Variants in DMD observed in about 807,000 individuals in gnomAD.
The protein encoded by DMD is dystrophin.
A neutral mutation model predicts 330.1 loss-of-function variants in DMD; 63 were observed. That is an observed-to-expected ratio of 0.19 (90% confidence interval 0.16 to 0.24). DMD has a LOEUF of 0.24. DMD is among the 10% of genes least tolerant of loss of function. DMD has a pLI of 1.00. For synonymous variants in DMD, 1,223 were observed against 959.8 expected (o/e 1.27, Z -5.07); for missense variants, 3,344 against 2,684.1 (o/e 1.25, Z -5.43).
intron 1 of DMD, among the ~76,000 whole-genome samples, chrX:33,176,059 T>C (rs1216289641): frequency 9.0e-6 from 1 of 111,338 alleles, no homozygotes; most frequent in African/African-American, 3.3e-5. Flanking sequence ...AGCTATATCG[T>C]GCTCTCATCT....
chrX:32,308,552 T>G (rs1416538356), intron 42 of DMD, among the ~76,000 whole-genome samples: 1 of 111,330 alleles, frequency 9.0e-6, no homozygotes, highest in Admixed American at 9.6e-5. Flanking sequence ...GAAGGAATCA[T>G]GCCCACAACT....
chrX:31,487,249 C>A (rs2068875702), intron 57 of DMD, among the ~76,000 whole-genome samples: 1 of 110,427 alleles, frequency 9.1e-6, no homozygotes, highest in African/African-American at 3.3e-5. Flanking sequence ...ATGAACTTTA[C>A]CCTGTTAACA....
intron 50 of DMD, among the ~76,000 whole-genome samples, chrX:31,816,794 T>TCACACACACACACACACACACACACA (rs759346277): frequency 1.5e-4 from 13 of 85,363 alleles, no homozygotes; most frequent in South Asian, 6.4e-4. Context: ...CAAGATTCTG[T>TCACACACACACACACACACACACACA]CACACACACA....
At chrX:31,480,958 T>C (rs1258345007) in intron 57 of DMD, among the ~76,000 whole-genome samples, 1 of 111,754 alleles carries the variant, frequency 8.9e-6, no homozygotes, top group East Asian at 2.8e-4. Flanking sequence ...TCACATAGAA[T>C]TCAAAAGCAT....
intron 47 of DMD, among the ~76,000 whole-genome samples, chrX:31,878,802 A>G (rs1336661230): frequency 8.9e-6 from 1 of 112,458 alleles, no homozygotes; most frequent in East Asian, 2.8e-4. Context: ...AATGAAAATT[A>G]GAGCTTCATC....
At chrX:32,212,196 T>C (rs749039298) in intron 44 of DMD, among the ~76,000 whole-genome samples, 1 of 112,368 alleles carries the variant, frequency 8.9e-6, no homozygotes, top group East Asian at 2.8e-4. Context: ...TGCGTTTGGC[T>C]GAATTGGAAT....
At chrX:32,260,435 G>T (rs1455380709) in intron 43 of DMD, among the ~76,000 whole-genome samples, 2 of 111,481 alleles carry the variant, frequency 1.8e-5, no homozygotes, top group Non-Finnish European at 3.8e-5. Flanking sequence ...TTTGGTGAAT[G>T]GTACCCTGCT....
chrX:33,103,781 A>T (rs1273883671), intron 1 of DMD, among the ~76,000 whole-genome samples: 1 of 111,933 alleles, frequency 8.9e-6, no homozygotes, highest in Non-Finnish European at 1.9e-5. Flanking sequence ...TATAATTTTT[A>T]AAAAATGTAA....
chrX:32,862,660 T>G (rs1407356038), intron 2 of DMD, among the ~76,000 whole-genome samples: 4 of 111,989 alleles, frequency 3.6e-5, no homozygotes, highest in Admixed American at 9.5e-5. Context: ...TATTTTAAAA[T>G]TTGTGGAATG....
At chrX:31,394,487 T>C (rs1274307077) in intron 60 of DMD, among the ~76,000 whole-genome samples, 1 of 112,595 alleles carries the variant, frequency 8.9e-6, no homozygotes, top group Non-Finnish European at 1.9e-5. Context: ...AGTGCATTTT[T>C]CTCTTACAAT....
chrX:31,939,851 T>C (rs183963107), intron 45 of DMD, among the ~76,000 whole-genome samples: 235 of 111,992 alleles, frequency 2.1e-3, no homozygotes, highest in African/African-American at 7.1e-3. Flanking sequence ...CTGACAACTT[T>C]ATTTCTCCCT....
intron 1 of DMD, among the ~76,000 whole-genome samples, chrX:33,113,016 A>ACCGT (rs1458621510): frequency 9.2e-6 from 1 of 109,161 alleles, no homozygotes; most frequent in African/African-American, 3.3e-5. Flanking sequence ...TATGCTGGAT[A>ACCGT]CCGTCCATTG....
chrX:32,571,178 C>T (rs999438349), intron 15 of DMD, among the ~76,000 whole-genome samples: 9 of 111,857 alleles, frequency 8.0e-5, no homozygotes, highest in East Asian at 2.8e-4. Context: ...AATATATCTT[C>T]GCTCCTAATC....
At chrX:32,395,917 A>G (rs2098040647) in intron 30 of DMD, among the ~76,000 whole-genome samples, 1 of 111,529 alleles carries the variant, frequency 9.0e-6, no homozygotes, top group Admixed American at 9.6e-5. Flanking sequence ...AGACCCTTCT[A>G]TAAACCAGCA....
In DMD at chrX:31,678,455, A is replaced by G. The variant is rs192460794; in HGVS notation, c.7872+920T>C. ...ACTGACTAGTAAATACTAAGTTTGAAGGGATTAAACGCATGCAAAGCACTA... is the reference window on the plus strand; with the variant it reads ...ACTGACTAGTAAATACTAAGTTTGAGGGGATTAAACGCATGCAAAGCACTA... On this transcript the variant is annotated intron_variant, in intron 53 of 78. Coordinates refer to ENST00000357033, the MANE Select transcript of DMD (RefSeq NM_004006.3). 4.5e-5 allele frequency among the ~76,000 whole-genome samples: 5 copies of G among 112,359 alleles called. No homozygotes were observed. The East Asian group carries it at 1.4e-3, about 31-fold the overall frequency.
At chrX:32,646,182 C>A (rs993341000) in intron 9 of DMD, among the ~76,000 whole-genome samples, 7 of 111,511 alleles carry the variant, frequency 6.3e-5, no homozygotes, top group Admixed American at 9.6e-5. Context: ...GCTATAGGAA[C>A]CATACACTCA....
At chrX:33,259,852 C>G in intron 1 of DMD, among the ~76,000 whole-genome samples, 1 of 109,840 alleles carries the variant, frequency 9.1e-6, no homozygotes, top group Non-Finnish European at 1.9e-5. Flanking sequence ...TAGTAATATG[C>G]ACTTACAGTT....
chrX:32,270,339 C>A (rs2097360838), intron 43 of DMD, among the ~76,000 whole-genome samples: 1 of 112,225 alleles, frequency 8.9e-6, no homozygotes, highest in Non-Finnish European at 1.9e-5. Context: ...AGAAAGAAAA[C>A]TTGTGAAAAA....
At chrX:31,541,567 C>T (rs1047486196) in intron 55 of DMD, among the ~76,000 whole-genome samples, 1 of 105,194 alleles carries the variant, frequency 9.5e-6, no homozygotes, top group Admixed American at 1.0e-4. Flanking sequence ...CAATTCCCGC[C>T]TGTGAGTAAG....
Sources: allele counts gnomAD v4.1 joint callset (sites outside exome capture counted in the v4.1 genomes callset), GRCh38; gene constraint gnomAD v4.1.1; transcripts MANE v1.5; gene names NCBI Gene and HGNC (gene_info 2026-07-23, HGNC 2026-07-21).